The following ABI3BP variants were observed in gnomAD, a reference collection of about 807,000 sequenced individuals.
ABI3BP encodes the protein target of Nesh-SH3.
A neutral mutation model predicts 268.6 loss-of-function variants in ABI3BP; 216 were observed. That is an observed-to-expected ratio of 0.80 (90% CI 0.72 to 0.90). The LOEUF (loss-of-function observed/expected upper bound fraction) is 0.90. Among genes scored for constraint, ABI3BP ranks in the 40% least tolerant of loss-of-function variants. ABI3BP has a pLI of 0.00. For synonymous variants in ABI3BP, 730 were observed against 730.0 expected, an observed-to-expected ratio of 1.00 and a Z score of 0.00; for missense variants, 2,090 against 2,182.4, an observed-to-expected ratio of 0.96 and a Z score of 0.84.
chr3:100,851,480 A>G (rs1457438901), intron 15 of ABI3BP, among the ~76,000 whole-genome samples: 1 of 152,218 alleles, frequency 6.6e-6, no homozygotes, highest in Non-Finnish European at 1.5e-5. Context: ...GTGACAACCA[A>G]AACTGTCTCC....
chr3:100,835,575 T>G, intron 28 of ABI3BP, 26 bp downstream of exon 28: 1 of 1,513,124 alleles, frequency 6.6e-7, no homozygotes, highest in South Asian at 1.2e-5. Context: ...AAAAAACTCA[T>G]ACTTAAAGAC....
chr3:100,820,125 G>T, intron 40 of ABI3BP, 95 bp downstream of exon 40: 1 of 1,088,052 alleles, frequency 9.2e-7, no homozygotes, highest in Non-Finnish European at 1.3e-6. Context: ...CATCCACATG[G>T]TACTCACACA....
chr3:100,860,930 CT>C (rs1369803142), intron 14 of ABI3BP, among the ~76,000 whole-genome samples: 2 of 152,150 alleles, frequency 1.3e-5, no homozygotes, highest in Non-Finnish European at 2.9e-5. Context: ...ACATATGCCC[CT>C]AGACTAGTTG....
Position 100,815,973 on chromosome 3 carries a change from T to A in ABI3BP, c.3230-2A>T. ...CAGGTTCAAAGCCTGTAACAGAAAC[T>A]AACCAAAAGCAACAACATGAATACA... On this transcript the variant is annotated splice_acceptor_variant, in intron 43 of 67. Transcript: ENST00000471714. LOFTEE classifies it high-confidence loss of function. The A allele has an allele frequency of 6.6e-7, 1 of 1,514,434 alleles. No homozygotes were observed. Among genetic ancestry groups the A allele is most frequent in the Non-Finnish European group, 8.8e-7 (1 of 1,139,684 alleles). 93.8% of individuals were successfully genotyped at this position (1,514,434 alleles called of 1,614,324 possible).
In ABI3BP at chr3:100,862,261, C is replaced by T. The variant is rs148592293; in HGVS notation, c.1285+50G>A. On this transcript the variant is annotated intron_variant, in intron 14 of 67. Coordinates refer to ENST00000471714, the MANE Select transcript of ABI3BP (RefSeq NM_001375547.2). ...AGGAACCTATAAAAACAATAAGTTA[C>T]TCAATATTCCTTGTTATAATCGATT... is the stretch of plus-strand genomic sequence containing the variant. 8.8e-4 allele frequency: 1,071 copies of T among 1,214,842 alleles called. 12 individuals are homozygous for T. The highest frequency in any genetic ancestry group is 6.4e-5 in the Non-Finnish European group (55 of 858,924). 75.3% of individuals were successfully genotyped at this position (1,214,842 alleles called of 1,614,324 possible).
intron 1 of ABI3BP, among the ~76,000 whole-genome samples, chr3:100,929,785 T>A (rs1392995973): frequency 1.3e-5 from 2 of 152,014 alleles, no homozygotes; most frequent in Non-Finnish European, 2.9e-5. Context: ...CAGTATGGAT[T>A]CCCTCTATCT....
chr3:100,930,956 AAATC>A (rs2063428566), intron 1 of ABI3BP: 2 of 152,142 alleles, frequency 1.3e-5, no homozygotes, highest in Non-Finnish European at 2.9e-5. Flanking sequence ...AAATACTAGC[AAATC>A]AATCCAGTTG....
intron 28 of ABI3BP, 70 bp downstream of exon 28, chr3:100,835,531 C>A: frequency 8.2e-7 from 1 of 1,215,526 alleles, no homozygotes; most frequent in Non-Finnish European, 1.1e-6. Context: ...ACCCTTAGCC[C>A]AAATAGTGAT....
At chr3:100,928,890 T>C (rs559655559) in intron 1 of ABI3BP, among the ~76,000 whole-genome samples, 1 of 152,184 alleles carries the variant, frequency 6.6e-6, no homozygotes, top group East Asian at 1.9e-4. Flanking sequence ...AATGCTCAAG[T>C]TGGGGTGCCA....
At chr3:100,940,776 A>T (rs1192519995) in intron 1 of ABI3BP, among the ~76,000 whole-genome samples, 1 of 108,934 alleles carries the variant, frequency 9.2e-6, no homozygotes, top group African/African-American at 3.5e-5. Flanking sequence ...TTACAAAGGA[A>T]ATTACTTCAC....
chr3:100,771,395 A>T (rs1000048953), intron 61 of ABI3BP, among the ~76,000 whole-genome samples: 12 of 150,532 alleles, frequency 8.0e-5, no homozygotes, highest in East Asian at 3.9e-4. Flanking sequence ...AGGAATAATT[A>T]AAAAAAAAAT....
chr3:100,925,406 A>AATATTTAT (rs2061507430), intron 2 of ABI3BP, among the ~76,000 whole-genome samples: 1 of 136,992 alleles, frequency 7.3e-6, no homozygotes, highest in Admixed American at 8.1e-5. Flanking sequence ...GGATCCTTTA[A>AATATTTAT]ATATTTATAT....
At chr3:100,849,083 AT>A (rs2098809025) in intron 17 of ABI3BP, among the ~76,000 whole-genome samples, 1 of 151,360 alleles carries the variant, frequency 6.6e-6, no homozygotes, top group Admixed American at 6.6e-5. Context: ...CTACATGAGA[AT>A]TGAAGATATA....
At chr3:100,859,331 C>CT (rs375416804) in intron 14 of ABI3BP, among the ~76,000 whole-genome samples, 1 of 152,064 alleles carries the variant, frequency 6.6e-6, no homozygotes, top group Non-Finnish European at 1.5e-5. Flanking sequence ...GTAATTGTGG[C>CT]TTTTGCCATT....
chr3:100,804,810 C>T lies in ABI3BP; in HGVS notation c.3739G>A (p.Val1247Met), dbSNP rs754852193. ...CATTTACCAGGTGTGGTGTATGACA[C>T]TTCTGGACTTGGTGACGTTTTTGGT... Reference protein sequence around the residue: ...AKPKTSPSPEVSYTTPAPKDV... With the variant: ...AKPKTSPSPEMSYTTPAPKDV... Residue 1247 changes from valine (V) to methionine (M), a missense_variant, in exon 51 of 68, where the codon GTG becomes ATG. Coordinates refer to ENST00000471714, the MANE Select transcript of ABI3BP (RefSeq NM_001375547.2). The T allele has an allele frequency of 1.2e-6, 2 of 1,612,956 alleles. No homozygotes were observed. The highest frequency in any genetic ancestry group is 1.1e-5 in the South Asian group (1 of 91,054).
intron 1 of ABI3BP, among the ~76,000 whole-genome samples, chr3:100,948,488 T>A (rs1206173707): frequency 6.6e-6 from 1 of 152,236 alleles, no homozygotes; most frequent in Non-Finnish European, 1.5e-5. Flanking sequence ...TGTTATTAAT[T>A]CTGTTTTTAG....
At chr3:100,968,388 A>G (rs189283262) in intron 1 of ABI3BP, among the ~76,000 whole-genome samples, 45 of 152,342 alleles carry the variant, frequency 3.0e-4, no homozygotes, top group African/African-American at 1.0e-3. Flanking sequence ...GCATAATAAG[A>G]AATGTATACA....
intron 2 of ABI3BP, among the ~76,000 whole-genome samples, chr3:100,908,690 A>C (rs7623651): frequency 0.98 from 148,709 of 152,012 alleles, 72,808 homozygotes; most frequent in East Asian, 1. Flanking sequence ...CCTAGGAATC[A>C]AACTTACAAG....
chr3:100,914,443 C>A (rs1245443478), intron 2 of ABI3BP: 2 of 455,464 alleles, frequency 4.4e-6, no homozygotes, highest in African/African-American at 4.0e-5. Flanking sequence ...TGCAGCCAGC[C>A]GTACCACAGA....
Sources: allele counts gnomAD v4.1 joint callset (sites outside exome capture counted in the v4.1 genomes callset), GRCh38; gene constraint gnomAD v4.1.1; transcripts MANE v1.5; gene names NCBI Gene and HGNC (gene_info 2026-07-23, HGNC 2026-07-21).